The following EYS variants were observed in gnomAD, a reference collection of about 807,000 sequenced individuals.
EYS encodes the protein protein eyes shut homolog.
A neutral mutation model predicts 282.1 loss-of-function variants in EYS; 250 were observed. That is an observed-to-expected ratio of 0.89 (90% CI 0.80 to 0.98). EYS has a LOEUF of 0.98. EYS is among the 50% of genes least tolerant of loss of function. EYS has a pLI of 0.00. For missense variants in EYS, 4,016 were observed against 3,709.0 expected (o/e 1.08, Z -2.15); for synonymous variants, 1,355 against 1,282.9 (o/e 1.06, Z -1.20).
chr6:65,510,833 C>T (rs1233731028), intron 2 of EYS, among the ~76,000 whole-genome samples: 1 of 152,110 alleles, frequency 6.6e-6, no homozygotes, highest in Non-Finnish European at 1.5e-5. Context: ...AATAGTATTA[C>T]TCAAGGCAAT....
Position 65,472,898 on chromosome 6 carries a change from C to T in EYS, c.862+17696G>A, listed in dbSNP as rs900410088. On this transcript the variant is annotated intron_variant, in intron 5 of 42. Transcript: ENST00000503581. ...AATATGCTCTTATTTGGTATATCCT[C>T]TCTTGTGGGTCCAAACTCCTAAGGT... is the stretch of plus-strand genomic sequence containing the variant. Among the ~76,000 whole-genome samples the T allele has an allele frequency of 2.6e-5, 4 of 151,710 alleles. No individual in the cohort carries two copies. In the East Asian group the frequency reaches 5.8e-4, roughly 22 times the overall value.
At chr6:64,158,761 C>G (rs1244223040) in intron 31 of EYS, among the ~76,000 whole-genome samples, 4 of 151,986 alleles carry the variant, frequency 2.6e-5, no homozygotes, top group Admixed American at 2.6e-4. Context: ...AATAATTATA[C>G]TTTTTTTGAG....
At chr6:64,912,446 A>G in intron 16 of EYS, 38 bp downstream of exon 16, 1 of 1,525,510 alleles carries the variant, frequency 6.6e-7, no homozygotes, top group Non-Finnish European at 8.9e-7. Flanking sequence ...CTAATTAAGT[A>G]ATTATTTAAA....
At position 64,271,842 on chromosome 6, in the gene EYS, A is replaced by T. The variant is rs368544027; in HGVS notation, c.6191+35128T>A. Among the ~76,000 whole-genome samples the T allele has an allele frequency of 3.3e-5, 5 of 151,066 alleles. No individual in the cohort carries two copies. In the East Asian group the frequency reaches 5.8e-4, roughly 18 times the overall value. On this transcript the variant is annotated intron_variant, in intron 30 of 42. Coordinates refer to ENST00000503581, the MANE Select transcript of EYS (RefSeq NM_001142800.2). Reference sequence around the variant, plus strand: ...ATATTCCCTATTCTTATTTTATTTTATTTATTTATTTTTTTGAGACAGAGT... The same window carrying T: ...ATATTCCCTATTCTTATTTTATTTTTTTTATTTATTTTTTTGAGACAGAGT...
In EYS at chr6:65,363,470, A is replaced by G. The variant is rs143793686; in HGVS notation, c.1300-9853T>C. 5.1e-4 allele frequency among the ~76,000 whole-genome samples: 77 copies of G among 151,744 alleles called. No individual in the cohort carries two copies. The East Asian group carries it at 0.013, about 25-fold the overall frequency. ...ATTTAATCATTTCAGAAGAAAAATA[A>G]CTCCTTTAAGTATATGTCATTTTGT... On this transcript the variant is annotated intron_variant, in intron 8 of 42. Coordinates refer to ENST00000503581, the MANE Select transcript of EYS (RefSeq NM_001142800.2).
chr6:65,407,783 GTGTA>G (rs61028560), intron 5 of EYS, among the ~76,000 whole-genome samples: 1,867 of 134,474 alleles, frequency 0.014, 30 homozygotes, highest in African/African-American at 0.046. Context: ...GTGTGTGTGT[GTGTA>G]TGTCTAACAA....
At chr6:64,737,916 T>G (rs1772234483) in intron 22 of EYS, among the ~76,000 whole-genome samples, 1 of 152,196 alleles carries the variant, frequency 6.6e-6, no homozygotes, top group Admixed American at 6.5e-5. Context: ...AATGAAAAAC[T>G]CTCCATATCC....
Position 65,553,516 on chromosome 6 carries a change from T to C in EYS, c.-332-57523A>G, listed in dbSNP as rs572680056. 7.2e-5 allele frequency among the ~76,000 whole-genome samples: 11 copies of C among 152,262 alleles called. No homozygotes were observed. In the South Asian group the frequency reaches 2.3e-3, roughly 32 times the overall value. On this transcript the variant is annotated intron_variant, in intron 2 of 42. Coordinates refer to ENST00000503581, the MANE Select transcript of EYS (RefSeq NM_001142800.2). The stretch of plus-strand genomic sequence containing the variant: ...TTCAATGATTTATATCTTAGAGTGA[T>C]ATTGTACTATTGAGGGAAATCATAT...
intron 12 of EYS, among the ~76,000 whole-genome samples, chr6:65,198,260 T>C (rs1422447388): frequency 6.6e-6 from 1 of 152,120 alleles, no homozygotes; most frequent in Non-Finnish European, 1.5e-5. Flanking sequence ...TATGGAGTTA[T>C]CATCTCCTTG....
intron 22 of EYS, among the ~76,000 whole-genome samples, chr6:64,646,818 A>G (rs1768371921): frequency 1.3e-5 from 2 of 152,034 alleles, no homozygotes; most frequent in African/African-American, 2.4e-5. Context: ...GAAAAAAAAA[A>G]AAAAAGAAAA....
intron 1 of EYS, among the ~76,000 whole-genome samples, chr6:65,649,251 ATG>A (rs1251620688): frequency 5.9e-5 from 9 of 151,458 alleles, no homozygotes; most frequent in Non-Finnish European, 1.2e-4. Context: ...AGAGTTTTGT[ATG>A]TGTTTTGTTT....
At chr6:65,026,520 GT>G (rs1354320718) in intron 13 of EYS, among the ~76,000 whole-genome samples, 2 of 152,180 alleles carry the variant, frequency 1.3e-5, no homozygotes, top group Admixed American at 1.3e-4. Context: ...GGGAGGGGAT[GT>G]TATATGGGCC....
intron 28 of EYS, among the ~76,000 whole-genome samples, chr6:64,399,459 G>T (rs1240182617): frequency 6.6e-6 from 1 of 151,414 alleles, no homozygotes; most frequent in African/African-American, 2.4e-5. Context: ...TTTATTTTTT[G>T]AAATTATAGA....
At chr6:65,540,675 T>C (rs1768132226) in intron 2 of EYS, among the ~76,000 whole-genome samples, 1 of 152,080 alleles carries the variant, frequency 6.6e-6, no homozygotes, top group African/African-American at 2.4e-5. Flanking sequence ...TCCCAGCACT[T>C]TGGGAGGCCG....
At chr6:65,040,201 C>A (rs1583425332) in intron 13 of EYS, among the ~76,000 whole-genome samples, 1 of 151,736 alleles carries the variant, frequency 6.6e-6, no homozygotes, top group East Asian at 1.9e-4. Context: ...GTGAAAACAA[C>A]AAAAATTTAT....
At chr6:65,353,354 C>A in intron 9 of EYS, 104 bp downstream of exon 9, 1 of 963,004 alleles carries the variant, frequency 1.0e-6, no homozygotes, top group Non-Finnish European at 1.6e-6. Context: ...GTTTATATTA[C>A]GTTTTGAGAT....
intron 31 of EYS, among the ~76,000 whole-genome samples, chr6:64,094,838 G>T (rs1582260464): frequency 2.6e-5 from 4 of 152,216 alleles, no homozygotes; most frequent in Non-Finnish European, 5.9e-5. Flanking sequence ...TCTTGTAATT[G>T]TGATGTTAGG....
At chr6:65,632,066 G>T (rs1766932672) in intron 2 of EYS, among the ~76,000 whole-genome samples, 1 of 151,872 alleles carries the variant, frequency 6.6e-6, no homozygotes. Context: ...AATAGAAGTG[G>T]GATTCAAACT....
At chr6:64,500,860 A>G (rs1239003822) in intron 26 of EYS, among the ~76,000 whole-genome samples, 1 of 152,126 alleles carries the variant, frequency 6.6e-6, no homozygotes, top group Non-Finnish European at 1.5e-5. Flanking sequence ...GGCAAGGTTT[A>G]GTCAGTGTTT....
Sources: gnomAD v4.1 joint callset for allele counts (sites outside exome capture counted in the v4.1 genomes callset) on GRCh38, gnomAD v4.1.1 for gene constraint, MANE v1.5 for transcripts, NCBI Gene and HGNC (gene_info 2026-07-23, HGNC 2026-07-21) for gene names.